Variants in PCDH9 observed in about 807,000 individuals in gnomAD.
PCDH9 encodes protocadherin-9.
PCDH9 carries 24 observed loss-of-function variants against 70.6 expected under a neutral mutation model. That is an observed-to-expected ratio of 0.34 (90% CI 0.25 to 0.48). The LOEUF (loss-of-function observed/expected upper bound fraction) is 0.48. Ranked by LOEUF, PCDH9 falls within the 20% of genes least tolerant of loss-of-function variation. The pLI is 0.99. For synonymous variants in PCDH9, 562 were observed against 558.5 expected, an observed-to-expected ratio of 1.01 and a Z score of -0.09; for missense variants, 1,281 against 1,503.6, an observed-to-expected ratio of 0.85 and a Z score of 2.45.
chr13:66,738,474 G>A (rs9571641), intron 3 of PCDH9, among the ~76,000 whole-genome samples: 38,192 of 144,644 alleles, frequency 0.26, 5,458 homozygotes, highest in East Asian at 0.42. Context: ...CACCAGCAAC[G>A]GAACAAAGCT....
intron 4 of PCDH9, among the ~76,000 whole-genome samples, chr13:66,386,516 ATGAT>A (rs1481909921): frequency 6.6e-6 from 1 of 152,276 alleles, no homozygotes; most frequent in African/African-American, 2.4e-5. Context: ...TTTTAAAACA[ATGAT>A]TTATTTACTT....
chr13:66,719,159 T>C (rs572416515), intron 3 of PCDH9, among the ~76,000 whole-genome samples: 1 of 152,348 alleles, frequency 6.6e-6, no homozygotes, highest in East Asian at 1.9e-4. Context: ...GTCCTGGAGA[T>C]AGCCGTAGCT....
chr13:66,548,396 G>T (rs748342721), intron 4 of PCDH9, among the ~76,000 whole-genome samples: 6 of 151,768 alleles, frequency 4.0e-5, no homozygotes, highest in Non-Finnish European at 7.4e-5. Context: ...GACACCCTGT[G>T]TCCACTAAAA....
intron 4 of PCDH9, among the ~76,000 whole-genome samples, chr13:66,512,468 A>C (rs1248941941): frequency 6.6e-6 from 1 of 152,096 alleles, no homozygotes; most frequent in African/African-American, 2.4e-5. Context: ...ATAGGTTCTG[A>C]TAGTTACTAG....
chr13:66,662,386 T>G (rs1295887154), intron 3 of PCDH9, among the ~76,000 whole-genome samples: 2 of 152,026 alleles, frequency 1.3e-5, no homozygotes, highest in African/African-American at 4.8e-5. Flanking sequence ...GGCAGGAGAA[T>G]TGTTTGAACT....
chr13:67,181,191 A>G (rs2088605562), intron 2 of PCDH9, among the ~76,000 whole-genome samples: 1 of 152,210 alleles, frequency 6.6e-6, no homozygotes, highest in African/African-American at 2.4e-5. Context: ...GAAAAGCTTA[A>G]GTCAAAAGAG....
intron 3 of PCDH9, among the ~76,000 whole-genome samples, chr13:66,675,825 A>C (rs1038711300): frequency 6.6e-6 from 1 of 152,170 alleles, no homozygotes; most frequent in Non-Finnish European, 1.5e-5. Context: ...TGTTGACAAG[A>C]AATCTTGCTC....
chr13:66,898,251 T>C (rs1390558658), intron 3 of PCDH9, among the ~76,000 whole-genome samples: 1 of 152,068 alleles, frequency 6.6e-6, no homozygotes, highest in Non-Finnish European at 1.5e-5. Context: ...TCCCCAAATA[T>C]GTATGCATGT....
At chr13:66,944,878 CACTCCAATTTAAGATAAGCAAA>C (rs1304962720) in intron 2 of PCDH9, among the ~76,000 whole-genome samples, 1 of 149,254 alleles carries the variant, frequency 6.7e-6, no homozygotes, top group South Asian at 2.1e-4. Context: ...ATCCCTCCCA[CACTCCAATTTAAGATAAGCAAA>C]ACTCCAATTT....
intron 4 of PCDH9, among the ~76,000 whole-genome samples, chr13:66,582,803 A>G (rs1443935365): frequency 1.3e-5 from 2 of 152,188 alleles, no homozygotes; most frequent in South Asian, 2.1e-4. Flanking sequence ...AGCATTTCCA[A>G]TGCTGAAGGT....
intron 3 of PCDH9, among the ~76,000 whole-genome samples, chr13:66,787,263 C>T (rs2080094351): frequency 1.3e-5 from 2 of 152,062 alleles, no homozygotes; most frequent in South Asian, 4.1e-4. Context: ...TATATGTGAG[C>T]CTGTATTGTT....
At position 67,228,250 on chromosome 13, in the gene PCDH9, T is replaced by C; in HGVS notation, c.191A>G (p.Tyr64Cys). 6.2e-7 allele frequency: 1 copy of C among 1,613,190 alleles called. No homozygotes were observed. The highest frequency in any genetic ancestry group is 8.5e-7 in the Non-Finnish European group (1 of 1,179,612). ...AATGTSASLV[Y>C]RLVSKAGDAP... ...ATCCCCAGCTTTAGAAACCAGTCTGTAGACAAGGCTGGCGCTGGTCCCTGT... is the reference window on the plus strand; with the variant it reads ...ATCCCCAGCTTTAGAAACCAGTCTGCAGACAAGGCTGGCGCTGGTCCCTGT... Residue 64 changes from tyrosine to cysteine, a missense_variant, in exon 2 of 5, where the codon TAC becomes TGC. This residue lies in a region of PCDH9 where 798 missense variants were observed against 1,003.1 expected (regional missense o/e 0.80). Transcript: ENST00000377865.
intron 3 of PCDH9, among the ~76,000 whole-genome samples, chr13:66,762,761 T>C (rs1016789013): frequency 6.6e-6 from 1 of 152,008 alleles, no homozygotes. Flanking sequence ...GTTGTATATA[T>C]TGAAATGTAT....
chr13:66,812,236 AAT>A (rs1167959283), intron 3 of PCDH9, among the ~76,000 whole-genome samples: 2 of 152,186 alleles, frequency 1.3e-5, no homozygotes, highest in Non-Finnish European at 2.9e-5. Flanking sequence ...GCAGTGCCAA[AAT>A]ATATAACGTG....
In PCDH9 at chr13:66,954,310, C is replaced by G. The variant is rs555572042; in HGVS notation, c.3037-50705G>C. Reference sequence around the variant, plus strand: ...GTACTTATATAATCTCACAACAATCCTGCAAGATAAAAACTATTTTCTTCA... The same window carrying G: ...GTACTTATATAATCTCACAACAATCGTGCAAGATAAAAACTATTTTCTTCA... On this transcript the variant is annotated intron_variant, in intron 2 of 4. Transcript: ENST00000377865. Among the ~76,000 whole-genome samples the G allele has an allele frequency of 6.0e-4, 92 of 152,152 alleles. No homozygotes were observed. In the South Asian group the frequency reaches 0.017, roughly 28 times the overall value.
At chr13:67,047,613 T>G (rs2085247883) in intron 2 of PCDH9, among the ~76,000 whole-genome samples, 1 of 152,166 alleles carries the variant, frequency 6.6e-6, no homozygotes, top group Non-Finnish European at 1.5e-5. Flanking sequence ...TTGATACAGT[T>G]TCATAGATAA....
chr13:66,545,115 T>G (rs933033146), intron 4 of PCDH9, among the ~76,000 whole-genome samples: 1 of 152,182 alleles, frequency 6.6e-6, no homozygotes, highest in Admixed American at 6.5e-5. Context: ...ATGATTACAT[T>G]GAATAAGAAA....
At chr13:66,445,800 C>T (rs1958076871) in intron 4 of PCDH9, among the ~76,000 whole-genome samples, 2 of 126,406 alleles carry the variant, frequency 1.6e-5, no homozygotes, top group East Asian at 4.9e-4. Context: ...ATAATACATA[C>T]ACATATATTA....
In PCDH9 at chr13:66,808,305, A is replaced by G. The variant is rs2080442942; in HGVS notation, c.3138+95199T>C. ...TTAATTATTTTCTGAGTTTGATACT[A>G]TATCCTCAATAAACTATAAAGCAAC... On this transcript the variant is annotated intron_variant, in intron 3 of 4. Transcript: ENST00000377865. Among the ~76,000 whole-genome samples, 3 of 152,130 alleles carry G rather than the reference A, an allele frequency of 2.0e-5. No individual in the cohort carries two copies. The South Asian group carries it at 6.2e-4, about 32-fold the overall frequency.
Sources: allele counts gnomAD v4.1 joint callset (sites outside exome capture counted in the v4.1 genomes callset), GRCh38; gene constraint gnomAD v4.1.1; regional missense constraint gnomAD v4.1.1; transcripts MANE v1.5; gene names NCBI Gene and HGNC (gene_info 2026-07-23, HGNC 2026-07-21).